WWOX: variants seen among roughly 807,000 people sequenced by gnomAD.
The protein encoded by WWOX is WW domain containing oxidoreductase.
A neutral mutation model predicts 46.2 loss-of-function variants in WWOX; 69 were observed. The ratio of observed to expected loss-of-function variants is 1.49; its 90% CI spans 1.23 to 1.82. WWOX has a LOEUF of 1.82. Ranked by LOEUF, WWOX falls within the 40% of genes most tolerant of loss-of-function variation. WWOX has a pLI of 0.00. For missense variants in WWOX, 919 were observed against 542.6 expected (o/e 1.69, Z -6.89); for synonymous variants, 359 against 202.6 (o/e 1.77, Z -6.56).
At chr16:78,867,639 C>T (rs1417642029) in intron 8 of WWOX, among the ~76,000 whole-genome samples, 2 of 152,110 alleles carry the variant, frequency 1.3e-5, no homozygotes, top group Admixed American at 1.3e-4. Flanking sequence ...ATCCCAGGTT[C>T]AAGAGAGTCT....
At chr16:79,066,227 C>G (rs1009261303) in intron 8 of WWOX, among the ~76,000 whole-genome samples, 1 of 152,174 alleles carries the variant, frequency 6.6e-6, no homozygotes, top group South Asian at 2.1e-4. Flanking sequence ...TCCAGAGAGG[C>G]CTCCCTTAAG....
At chr16:78,817,044 A>G (rs2051349810) in intron 8 of WWOX, among the ~76,000 whole-genome samples, 1 of 152,064 alleles carries the variant, frequency 6.6e-6, no homozygotes. Context: ...CCACAGTCTG[A>G]AGTACGTTTG....
At position 78,790,213 on chromosome 16, in the gene WWOX, T is replaced by C. The variant is rs568212646; in HGVS notation, c.1056+357461T>C. ...GTGCAGTGGTGCGATCTCAGCTCAC[T>C]GCAACCTGCTTCCTGGGTTCAGGTG... is the stretch of plus-strand genomic sequence containing the variant. On this transcript the variant is annotated intron_variant, in intron 8 of 8. Coordinates refer to ENST00000566780, the MANE Select transcript of WWOX (RefSeq NM_016373.4). Among the ~76,000 whole-genome samples, 59 of 152,328 alleles carry C rather than the reference T, an allele frequency of 3.9e-4. 1 individual carries two copies. Among genetic ancestry groups the C allele is most frequent in the Admixed American group, 9.8e-4 (15 of 15,302 alleles).
At chr16:78,721,078 G>C (rs962614285) in intron 8 of WWOX, among the ~76,000 whole-genome samples, 13 of 152,040 alleles carry the variant, frequency 8.6e-5, no homozygotes, top group Admixed American at 5.9e-4. Context: ...GTGATCACTT[G>C]TAGATATATA....
rs527733127 is a variant in WWOX, at chr16:78,390,709, G to C, written c.605+3761G>C. On this transcript the variant is annotated intron_variant, in intron 6 of 8. Coordinates refer to ENST00000566780, the MANE Select transcript of WWOX (RefSeq NM_016373.4). Reference sequence around the variant, plus strand: ...ACTGTCAGAAGTGAATTTAAGTGCTGGTGACTAGGCTGCCAGAGAAACACA... The same window carrying C: ...ACTGTCAGAAGTGAATTTAAGTGCTCGTGACTAGGCTGCCAGAGAAACACA... Among the ~76,000 whole-genome samples the C allele has an allele frequency of 3.5e-4, 54 of 152,250 alleles. No individual in the cohort carries two copies. The South Asian group carries it at 0.011, about 32-fold the overall frequency.
intron 8 of WWOX, among the ~76,000 whole-genome samples, chr16:78,988,736 C>T (rs961615855): frequency 6.6e-6 from 1 of 152,162 alleles, no homozygotes; most frequent in African/African-American, 2.4e-5. Context: ...TCCTGCATAG[C>T]TGTCAAGTTA....
chr16:78,345,275 A>G lies in WWOX; in HGVS notation c.517-41585A>G, dbSNP rs1332365961. On this transcript the variant is annotated intron_variant, in intron 5 of 8. Transcript: ENST00000566780. ...CCTCATCTATAAAAGGGAGACTTCA[A>G]TCTTATTTAATGGCAAAAGTCACAA... is the stretch of plus-strand genomic sequence containing the variant. 1.8e-5 allele frequency among the ~76,000 whole-genome samples: 2 copies of G among 113,700 alleles called. 1 individual carries two copies. Among genetic ancestry groups the G allele is most frequent in the Non-Finnish European group, 4.1e-5 (2 of 48,316 alleles). 74.6% of individuals were successfully genotyped at this position (113,700 alleles called of 152,430 possible). A position where few individuals can be genotyped will look rare whatever the true frequency, so the allele number is the denominator to read the frequency against.
chr16:78,200,546 T>A (rs890915660), intron 5 of WWOX, among the ~76,000 whole-genome samples: 4 of 151,118 alleles, frequency 2.6e-5, no homozygotes, highest in Admixed American at 1.3e-4. Flanking sequence ...ATCACAAAAA[T>A]TTTTAATATC....
intron 8 of WWOX, among the ~76,000 whole-genome samples, chr16:78,578,939 T>C (rs1022319493): frequency 6.6e-6 from 1 of 152,208 alleles, no homozygotes; most frequent in African/African-American, 2.4e-5. Context: ...ATTGTTGATA[T>C]TACTTATGAA....
chr16:78,283,348 G>C (rs2079713101), intron 5 of WWOX, among the ~76,000 whole-genome samples: 2 of 152,170 alleles, frequency 1.3e-5, no homozygotes, highest in African/African-American at 2.4e-5. Flanking sequence ...CAGGTGTACA[G>C]ACTGACATCA....
intron 6 of WWOX, among the ~76,000 whole-genome samples, chr16:78,412,230 C>T (rs529479484): frequency 6.6e-6 from 1 of 152,212 alleles, no homozygotes; most frequent in African/African-American, 2.4e-5. Flanking sequence ...TATTTGTAAT[C>T]AGGTGACTGG....
At chr16:78,136,157 G>A (rs910859849) in intron 4 of WWOX, among the ~76,000 whole-genome samples, 7 of 152,072 alleles carry the variant, frequency 4.6e-5, no homozygotes, top group African/African-American at 1.2e-4. Context: ...TTCACAATGC[G>A]TGCCAAACTT....
At chr16:79,030,351 G>A (rs932395840) in intron 8 of WWOX, among the ~76,000 whole-genome samples, 3 of 152,192 alleles carry the variant, frequency 2.0e-5, no homozygotes, top group Non-Finnish European at 4.4e-5. Flanking sequence ...GACAAATTTA[G>A]TTGCTGCATT....
chr16:78,482,477 C>T (rs1003429881), intron 8 of WWOX, among the ~76,000 whole-genome samples: 10 of 152,152 alleles, frequency 6.6e-5, no homozygotes, highest in African/African-American at 2.4e-4. Flanking sequence ...ACTGCCTTGG[C>T]CTCCGAAAGT....
intron 8 of WWOX, among the ~76,000 whole-genome samples, chr16:78,761,150 G>A (rs1387169149): frequency 6.6e-6 from 1 of 152,140 alleles, no homozygotes; most frequent in East Asian, 1.9e-4. Flanking sequence ...AGCGGGGGCT[G>A]TTTCTTGTTG....
In WWOX at chr16:78,340,930, G is replaced by A. The variant is rs1251972440; in HGVS notation, c.517-45930G>A. ...ATTTTTCTGGAGTTATGAAATGATGGTATCCTGCTGGGCTGAGTGGGGAGG... is the reference window on the plus strand; with the variant it reads ...ATTTTTCTGGAGTTATGAAATGATGATATCCTGCTGGGCTGAGTGGGGAGG... On this transcript the variant is annotated intron_variant, in intron 5 of 8. Transcript: ENST00000566780. Among the ~76,000 whole-genome samples the A allele has an allele frequency of 1.7e-5, 2 of 118,992 alleles. 1 individual carries two copies. Among genetic ancestry groups the A allele is most frequent in the Non-Finnish European group, 4.0e-5 (2 of 50,120 alleles). The allele number at this position is 118,992 out of a possible 152,430, so 78.1% of individuals were successfully genotyped here.
At chr16:79,164,925 G>A (rs1056417711) in intron 8 of WWOX, among the ~76,000 whole-genome samples, 2 of 152,066 alleles carry the variant, frequency 1.3e-5, no homozygotes, top group Non-Finnish European at 2.9e-5. Flanking sequence ...GGCAAAGTGT[G>A]CATAAAGATA....
chr16:78,597,458 C>A lies in WWOX; in HGVS notation c.1056+164706C>A, dbSNP rs534604943. The stretch of plus-strand genomic sequence containing the variant: ...GTTTTATGTTGCACCATTTTCTGAG[C>A]AATGTCTTTGGTCCACCATTAAGCA... On this transcript the variant is annotated intron_variant, in intron 8 of 8. Coordinates refer to ENST00000566780, the MANE Select transcript of WWOX (RefSeq NM_016373.4). Among the ~76,000 whole-genome samples, 4 of 152,254 alleles carry A rather than the reference C, an allele frequency of 2.6e-5. No homozygotes were observed. The East Asian group carries it at 7.7e-4, about 29-fold the overall frequency.
chr16:78,454,639 G>A (rs2083773690), intron 8 of WWOX, among the ~76,000 whole-genome samples: 1 of 151,994 alleles, frequency 6.6e-6, no homozygotes, highest in South Asian at 2.1e-4. Context: ...TTGAGTAGCT[G>A]GGATTACAGG....
Sources: gnomAD v4.1 joint callset for allele counts (sites outside exome capture counted in the v4.1 genomes callset) on GRCh38, gnomAD v4.1.1 for gene constraint, MANE v1.5 for transcripts, NCBI Gene and HGNC (gene_info 2026-07-23, HGNC 2026-07-21) for gene names.